Variants in TTC39C observed in about 807,000 individuals in gnomAD.
TTC39C encodes tetratricopeptide repeat domain 39C.
TTC39C carries 33 observed loss-of-function variants against 76.3 expected under a neutral mutation model. The ratio of observed to expected loss-of-function variants is 0.43; its 90% confidence interval spans 0.33 to 0.58. The LOEUF (loss-of-function observed/expected upper bound fraction) is 0.58. Ranked by LOEUF, TTC39C falls within the 20% of genes least tolerant of loss-of-function variation. The pLI, the probability that TTC39C is intolerant of heterozygous loss-of-function variation, is 0.04. For synonymous variants in TTC39C, 254 were observed against 260.6 expected (o/e 0.97, Z 0.24); for missense variants, 595 against 701.4 (o/e 0.85, Z 1.71).
intron 1 of TTC39C, among the ~76,000 whole-genome samples, chr18:24,056,602 A>G (rs2084019850): frequency 6.6e-6 from 1 of 151,948 alleles, no homozygotes; most frequent in African/African-American, 2.4e-5. Flanking sequence ...TCCAATTTTT[A>G]ATATATTGGA....
At chr18:24,034,238 G>A (rs2079181536) in intron 1 of TTC39C, among the ~76,000 whole-genome samples, 1 of 152,148 alleles carries the variant, frequency 6.6e-6, no homozygotes, top group Non-Finnish European at 1.5e-5. Context: ...AACTTCATAA[G>A]GAGTGTCACA....
At chr18:24,100,182 G>A (rs1395240599) in intron 6 of TTC39C, among the ~76,000 whole-genome samples, 11 of 152,180 alleles carry the variant, frequency 7.2e-5, no homozygotes, top group Non-Finnish European at 1.3e-4. Context: ...TGTTTAGGGA[G>A]CCTGAAGGTT....
At chr18:24,075,648 C>A (rs1046491282) in intron 4 of TTC39C, among the ~76,000 whole-genome samples, 18 of 139,472 alleles carry the variant, frequency 1.3e-4, no homozygotes, top group Non-Finnish European at 2.3e-4. Context: ...AGTGCCACTG[C>A]ACTGCAGCCT....
At chr18:24,074,830 T>G (rs2084283013) in intron 4 of TTC39C, among the ~76,000 whole-genome samples, 1 of 152,202 alleles carries the variant, frequency 6.6e-6, no homozygotes, top group Non-Finnish European at 1.5e-5. Flanking sequence ...TAAATCATGC[T>G]GCTATAAAGA....
At position 24,050,929 on chromosome 18, in the gene TTC39C, T is replaced by G. The variant is rs139313883; in HGVS notation, c.168-13211T>G. ...TTGTCATCTTGTTGTTGAACTTGTCTGTATTTTAAATTACTTTCATGACTG... is the reference window on the plus strand; with the variant it reads ...TTGTCATCTTGTTGTTGAACTTGTCGGTATTTTAAATTACTTTCATGACTG... On this transcript the variant is annotated intron_variant, in intron 1 of 13. Coordinates refer to ENST00000317571, the MANE Select transcript of TTC39C (RefSeq NM_001135993.2). Among the ~76,000 whole-genome samples, 1,179 of 152,196 alleles carry G rather than the reference T, an allele frequency of 7.7e-3. 3 individuals carry two copies. Among genetic ancestry groups the G allele is most frequent in the Non-Finnish European group, 0.012 (791 of 68,006 alleles).
At chr18:24,011,370 C>T (rs531935299), upstream of TTC39C, among the ~76,000 whole-genome samples, 2 of 152,340 alleles carry the variant, frequency 1.3e-5, no homozygotes, top group African/African-American at 4.8e-5. Context: ...GTTAGAGAAG[C>T]AATGCCTTCC....
chr18:24,074,555 C>G (rs1421628143), intron 4 of TTC39C, among the ~76,000 whole-genome samples: 1 of 152,136 alleles, frequency 6.6e-6, no homozygotes, highest in Non-Finnish European at 1.5e-5. Flanking sequence ...AAAAAATGCT[C>G]ATCATCACCG....
At chr18:24,045,909 A>ATT (rs2083866933) in intron 1 of TTC39C, among the ~76,000 whole-genome samples, 1 of 38,128 alleles carries the variant, frequency 2.6e-5, no homozygotes, top group African/African-American at 1.6e-4. Flanking sequence ...ATATATATAT[A>ATT]TATATATATA....
chr18:24,129,714 C>T (rs961039393), intron 11 of TTC39C, among the ~76,000 whole-genome samples: 8 of 146,946 alleles, frequency 5.4e-5, no homozygotes, highest in African/African-American at 1.8e-4. Context: ...GCAGAGGTTG[C>T]AGCGAGCTGA....
At position 24,135,312 on chromosome 18, in the gene TTC39C, A is replaced by G. The variant is rs759743591; in HGVS notation, c.*2738A>G. ...TGACCGGCCAGGTCTTTTTTTTTTT[A>G]AAGAGTCTATCCTAGGCTTGGTACA... On this transcript the variant is annotated 3_prime_UTR_variant, in exon 14 of 14. Transcript: ENST00000317571. 1 of 151,246 alleles carries G rather than the reference A, an allele frequency of 6.6e-6. No homozygotes were observed. The highest frequency in any genetic ancestry group is 2.4e-5 in the African/African-American group (1 of 41,028). 9.4% of individuals were successfully genotyped at this position (151,246 alleles called of 1,614,324 possible).
At chr18:24,132,123 C>T (rs760296358) in intron 13 of TTC39C, among the ~76,000 whole-genome samples, 5 of 152,222 alleles carry the variant, frequency 3.3e-5, no homozygotes, top group African/African-American at 4.8e-5. Context: ...TGAAATTGTT[C>T]ATCCTGCTTT....
At chr18:24,123,230 T>C (rs116603703) in intron 8 of TTC39C, among the ~76,000 whole-genome samples, 2,265 of 152,174 alleles carry the variant, frequency 0.015, 53 homozygotes, top group African/African-American at 0.052. Context: ...ACTGTGACAG[T>C]AGCTAAGGAT....
chr18:24,080,830 A>G lies in TTC39C; in HGVS notation c.706A>G (p.Asn236Asp), dbSNP rs1349180594. The G allele has an allele frequency of 5.0e-6, 8 of 1,614,126 alleles. No individual in the cohort carries two copies. The Admixed American group carries it at 8.3e-5, about 17-fold the overall frequency. Residue 236 changes from asparagine to aspartate, a missense_variant, in exon 5 of 14, where the codon AAC becomes GAC. Transcript: ENST00000317571. ...CCTTTGCATATCCATGGTGCCCCCA[A>G]ACCTGCTCAAAATCATCAACCTGCT... is the stretch of plus-strand genomic sequence containing the variant. ...FHLCISMVPP[N>D]LLKIINLLGF...
intron 11 of TTC39C, 75 bp from the exon 12 acceptor site, chr18:24,130,238 C>A: frequency 1.4e-6 from 1 of 711,040 alleles, no homozygotes; most frequent in South Asian, 1.8e-5. Context: ...CTTCCCGCCC[C>A]CTCTTGAAGA....
intron 1 of TTC39C, among the ~76,000 whole-genome samples, chr18:24,027,615 C>A (rs1028864135): frequency 1.3e-5 from 2 of 151,168 alleles, no homozygotes; most frequent in Admixed American, 1.3e-4. Flanking sequence ...GCTGCAGTGC[C>A]GTGGCATGAT....
intron 1 of TTC39C, among the ~76,000 whole-genome samples, chr18:24,036,433 C>T (rs11082899): frequency 0.59 from 89,754 of 151,988 alleles, 29,885 homozygotes; most frequent in Non-Finnish European, 0.77. Context: ...AGTCTTTCAC[C>T]TCGCTGGTTA....
chr18:24,021,015 G>A (rs1262408313), intron 1 of TTC39C, among the ~76,000 whole-genome samples: 4 of 152,024 alleles, frequency 2.6e-5, no homozygotes, highest in South Asian at 4.1e-4. Context: ...GACCTTTCAC[G>A]CAGCCTGTTT....
Position 24,123,388 on chromosome 18 carries a change from T to G in TTC39C, c.1187-446T>G, listed in dbSNP as rs11875721. 2.8e-3 allele frequency among the ~76,000 whole-genome samples: 57 copies of G among 20,420 alleles called. 1 individual carries two copies. The highest frequency in any genetic ancestry group is 3.0e-3 in the African/African-American group (55 of 18,498). The allele number at this position is 20,420 out of a possible 152,430, so 13.4% of individuals were successfully genotyped here. A position where few individuals can be genotyped will look rare whatever the true frequency, so the allele number is the denominator to read the frequency against. On this transcript the variant is annotated intron_variant, in intron 8 of 13. Coordinates refer to ENST00000317571, the MANE Select transcript of TTC39C (RefSeq NM_001135993.2). ...GTCCTTTGTGGAACAGTCTTTTTTT[T>G]GTTTGTTTGTTTGTTTGTTTGTTTG...
In TTC39C at chr18:24,132,617, G is replaced by T. The variant is rs774972936; in HGVS notation, c.*43G>T. On this transcript the variant is annotated 3_prime_UTR_variant, in exon 14 of 14. Transcript: ENST00000317571. ...CTCCGTCCCTCCCCACCCAGGGTCC[G>T]CACTTTAAAATAAAAGCAGAGGACA... is the stretch of plus-strand genomic sequence containing the variant. 145 of 1,544,280 alleles carry T rather than the reference G, an allele frequency of 9.4e-5. 1 individual carries two copies. The highest frequency in any genetic ancestry group is 1.2e-4 in the Non-Finnish European group (138 of 1,127,996).
Sources: allele counts gnomAD v4.1 joint callset (sites outside exome capture counted in the v4.1 genomes callset), GRCh38; gene constraint gnomAD v4.1.1; transcripts MANE v1.5; gene names NCBI Gene and HGNC (gene_info 2026-07-23, HGNC 2026-07-21).